CLASP1: variants seen among roughly 807,000 people sequenced by gnomAD.
The protein encoded by CLASP1 is cytoplasmic linker associated protein 1.
In CLASP1, 38 loss-of-function variants were observed where a neutral mutation model predicts 192.3. The observed-to-expected ratio is 0.20, with a 90% CI of 0.15 to 0.26. CLASP1 has a LOEUF of 0.26. CLASP1 is among the 10% of genes least tolerant of loss of function. The pLI is 1.00. For synonymous variants in CLASP1, 691 were observed against 712.8 expected (o/e 0.97, Z 0.49); for missense variants, 1,433 against 1,932.5 (o/e 0.74, Z 4.85).
At chr2:121,504,814 C>T (rs1192735199) in intron 7 of CLASP1, 1 of 152,212 alleles carries the variant, frequency 6.6e-6, no homozygotes, top group African/African-American at 2.4e-5. Context: ...CCAGATGTTC[C>T]CTCAGAATCC....
At chr2:121,591,112 C>T (rs146488937) in intron 2 of CLASP1, among the ~76,000 whole-genome samples, 5,353 of 152,130 alleles carry the variant, frequency 0.035, 157 homozygotes, top group East Asian at 0.14. Flanking sequence ...GTGATCCGCC[C>T]GCTTCGGCCT....
intron 2 of CLASP1, among the ~76,000 whole-genome samples, chr2:121,547,263 C>A (rs1298790108): frequency 6.6e-6 from 1 of 152,204 alleles, no homozygotes; most frequent in Non-Finnish European, 1.5e-5. Context: ...CTGAAAGCCT[C>A]TCTGCCACTG....
intron 6 of CLASP1, among the ~76,000 whole-genome samples, chr2:121,519,899 T>C (rs2094419010): frequency 6.6e-6 from 1 of 152,216 alleles, no homozygotes; most frequent in Non-Finnish European, 1.5e-5. Flanking sequence ...TATTCACTTC[T>C]ACACAGGCTC....
At chr2:121,367,877 A>T (rs764805681) in intron 34 of CLASP1, 46 bp from the exon 36 acceptor site, 2 of 1,594,954 alleles carry the variant, frequency 1.3e-6, no homozygotes, top group Middle Eastern at 1.7e-4. Flanking sequence ...CTTGTAATGG[A>T]CATTTCCTTT....
chr2:121,410,755 G>A, intron 24 of CLASP1, 111 bp downstream of exon 25: 2 of 609,632 alleles, frequency 3.3e-6, no homozygotes, highest in Non-Finnish European at 5.6e-6. Context: ...ATTTTAAAGA[G>A]TTTCAAAGAT....
At chr2:121,645,915 G>C (rs2073093815) in intron 1 of CLASP1, among the ~76,000 whole-genome samples, 1 of 152,172 alleles carries the variant, frequency 6.6e-6, no homozygotes, top group Non-Finnish European at 1.5e-5. Context: ...GAACAAGCTA[G>C]AAACAAGCAG....
chr2:121,431,987 A>G (rs2081506810), intron 19 of CLASP1, among the ~76,000 whole-genome samples: 3 of 152,168 alleles, frequency 2.0e-5, no homozygotes, highest in Admixed American at 2.0e-4. Flanking sequence ...TACTGATTAA[A>G]ATGCCTGATT....
chr2:121,406,661 A>G (rs1038999923), intron 25 of CLASP1, among the ~76,000 whole-genome samples: 4 of 152,088 alleles, frequency 2.6e-5, no homozygotes, highest in Non-Finnish European at 5.9e-5. Flanking sequence ...TGTAATCATA[A>G]TGCACTGCAA....
chr2:121,492,094 C>T (rs933752169), intron 8 of CLASP1, among the ~76,000 whole-genome samples: 1 of 151,896 alleles, frequency 6.6e-6, no homozygotes, highest in African/African-American at 2.4e-5. Context: ...CTTTATACAC[C>T]AAAAGACACT....
intron 2 of CLASP1, among the ~76,000 whole-genome samples, chr2:121,600,830 G>T (rs1330293535): frequency 6.6e-6 from 1 of 152,138 alleles, no homozygotes; most frequent in African/African-American, 2.4e-5. Context: ...TCCTTCACAT[G>T]GTCACATGCT....
intron 30 of CLASP1, among the ~76,000 whole-genome samples, chr2:121,396,424 G>C (rs145394310): frequency 2.0e-4 from 31 of 152,340 alleles, no homozygotes; most frequent in Admixed American, 4.6e-4. Flanking sequence ...TATTTGGCTT[G>C]AGCTAGTATT....
At chr2:121,403,897 G>A in intron 26 of CLASP1, 2 of 443,696 alleles carry the variant, frequency 4.5e-6, no homozygotes, top group South Asian at 3.2e-5. Flanking sequence ...CCTATTTTAT[G>A]AAATAACCTG....
chr2:121,349,974 T>C (rs549457544), intron 37 of CLASP1, among the ~76,000 whole-genome samples: 1 of 152,106 alleles, frequency 6.6e-6, no homozygotes, highest in African/African-American at 2.4e-5. Context: ...AGATAAATGG[T>C]GAGCAGTACT....
exon 12 of CLASP1, chr2:121,459,997 C>T: frequency 6.2e-7 from 1 of 1,612,808 alleles, no homozygotes; most frequent in Non-Finnish European, 8.5e-7. Flanking sequence ...TGATACAAGC[C>T]TCCCGCACTA....
intron 8 of CLASP1, among the ~76,000 whole-genome samples, chr2:121,497,685 G>T (rs1170324013): frequency 2.0e-5 from 3 of 152,152 alleles, no homozygotes; most frequent in African/African-American, 7.2e-5. Context: ...AAAGCAGGAA[G>T]AAACTAGGAG....
At chr2:121,433,466 A>G (rs955416462) in intron 19 of CLASP1, among the ~76,000 whole-genome samples, 1 of 152,180 alleles carries the variant, frequency 6.6e-6, no homozygotes, top group Non-Finnish European at 1.5e-5. Context: ...TAAATTTTAA[A>G]GTAATAGGTG....
At chr2:121,478,430 A>C (rs2091908502) in intron 8 of CLASP1, among the ~76,000 whole-genome samples, 1 of 151,954 alleles carries the variant, frequency 6.6e-6, no homozygotes, top group South Asian at 2.1e-4. Flanking sequence ...GTGAAACCTC[A>C]TCTCTACTAA....
At chr2:121,363,227 T>G (rs2066746240) in exon 37 of CLASP1, 1 of 1,613,848 alleles carries the variant, frequency 6.2e-7, no homozygotes, top group Non-Finnish European at 8.5e-7. Context: ...CAGCTCGGCG[T>G]AGTTTTTAAA....
chr2:121,452,756 A>C (rs527859015), intron 14 of CLASP1, among the ~76,000 whole-genome samples: 1 of 152,296 alleles, frequency 6.6e-6, no homozygotes, highest in Admixed American at 6.5e-5. Flanking sequence ...GTGCCACTGC[A>C]CTCCAGCCTA....
Sources: gnomAD v4.1 joint callset for allele counts (sites outside exome capture counted in the v4.1 genomes callset) on GRCh38, gnomAD v4.1.1 for gene constraint, MANE v1.5 for transcripts, NCBI Gene and HGNC (gene_info 2026-07-23, HGNC 2026-07-21) for gene names.